Variants in COQ5 observed in about 807,000 individuals in gnomAD.
COQ5 encodes the protein coenzyme Q5, methyltransferase.
Under a neutral mutation model 40.5 loss-of-function variants are expected in COQ5, and 27 were observed. The ratio of observed to expected loss-of-function variants is 0.67; its 90% CI spans 0.49 to 0.92. COQ5 has a LOEUF of 0.92. Ranked by LOEUF, COQ5 falls within the 40% of genes least tolerant of loss-of-function variation. The pLI is 0.00. For synonymous variants in COQ5, 141 were observed against 150.0 expected (o/e 0.94, Z 0.44); for missense variants, 409 against 406.4 (o/e 1.01, Z -0.06).
chr12:120,525,390 C>A (rs1436475912), intron 1 of COQ5, among the ~76,000 whole-genome samples: 1 of 152,256 alleles, frequency 6.6e-6, no homozygotes, highest in East Asian at 1.9e-4. Flanking sequence ...AGCCACCACG[C>A]CCAGCCTGCT....
chr12:120,517,692 A>C (rs978313736), intron 2 of COQ5, among the ~76,000 whole-genome samples: 1 of 151,866 alleles, frequency 6.6e-6, no homozygotes, highest in Non-Finnish European at 1.5e-5. Context: ...AAAAAAAAAA[A>C]CCAAATCAAG....
At chr12:120,508,162 A>C (rs1868965831) in intron 4 of COQ5, among the ~76,000 whole-genome samples, 1 of 151,858 alleles carries the variant, frequency 6.6e-6, no homozygotes, top group Non-Finnish European at 1.5e-5. Context: ...CGCCCAGCTA[A>C]TTTTTGTATT....
rs763690638 is a variant in COQ5, at chr12:120,528,986, C to A, written c.156G>T (p.Thr52=). ...CCGACACAGTCTCAAACCCAAAGTG[C>A]GTTTCCGCTGCCCGCTTCTCTTGGG... ...LLSQEKRAAE[T]HFGFETVSEE... The change falls in exon 1 of 7, where the codon ACG becomes ACT. Residue 52 remains threonine, a synonymous_variant. Coordinates refer to ENST00000288532, the MANE Select transcript of COQ5 (RefSeq NM_032314.4). The A allele has an allele frequency of 1.2e-6, 2 of 1,614,130 alleles. No homozygotes were observed. The highest frequency in any genetic ancestry group is 1.7e-6 in the Non-Finnish European group (2 of 1,180,014).
rs1869700118 is a variant in COQ5, at chr12:120,522,267, C to T, written c.299G>A (p.Trp100Ter). The T allele has an allele frequency of 6.2e-7, 1 of 1,614,088 alleles. No individual in the cohort carries two copies. The part of the protein sequence containing the change: ...IHRVWKDLLL[W>*]KMHPLPGTQL... ...GGTCCCAGGAAGCGGGTGCATCTTC[C>T]AGAGCAGCAAATCCTTCCAAACACG... Residue 100 changes from tryptophan (W) to a stop codon, truncating the protein, a stop_gained, in exon 2 of 7, where the codon TGG (tryptophan) becomes TAG (stop). Transcript: ENST00000288532. LOFTEE classifies it high-confidence loss of function.
Position 120,529,037 on chromosome 12 carries a change from C to T in COQ5, c.105G>A (p.Gly35=). ...ACAAGAGCCGAGCACTTAGTAGGTC[C>T]CCGGGCCAAGAGCTACGAAGCCCGA... ...QLLGLRSSWP[G]DLLSARLLSQ... Residue 35 remains glycine (G), a synonymous_variant, in exon 1 of 7, where the codon GGG becomes GGA. Transcript: ENST00000288532. The T allele has an allele frequency of 1.2e-6, 2 of 1,614,118 alleles. No homozygotes were observed. Among genetic ancestry groups the T allele is most frequent in the Non-Finnish European group, 1.7e-6 (2 of 1,180,030 alleles).
intron 1 of COQ5, chr12:120,522,751 CT>C: frequency 1.5e-6 from 1 of 657,158 alleles, no homozygotes; most frequent in Non-Finnish European, 2.7e-6. Context: ...TGGCCTTGGC[CT>C]TTGACCGACA....
At chr12:120,508,794 G>A (rs920640474) in intron 4 of COQ5, among the ~76,000 whole-genome samples, 9 of 152,038 alleles carry the variant, frequency 5.9e-5, no homozygotes, top group Non-Finnish European at 8.8e-5. Context: ...GGGAGGCCAA[G>A]GCGGGAGGAT....
In COQ5 at chr12:120,522,233, A is replaced by C. The variant is rs1177906759; in HGVS notation, c.333T>G (p.Leu111=). The change falls in exon 2 of 7, where the codon CTT becomes CTG. Residue 111 remains leucine (L), a synonymous_variant. Coordinates refer to ENST00000288532, the MANE Select transcript of COQ5 (RefSeq NM_032314.4). Reference sequence around the variant, plus strand: ...CATTACCTGTGCCTCCAGCAACATCAAGCAGCTGGGTCCCAGGAAGCGGGT... The same window carrying C: ...CATTACCTGTGCCTCCAGCAACATCCAGCAGCTGGGTCCCAGGAAGCGGGT... The part of the protein sequence containing the change: ...KMHPLPGTQL[L]DVAGGTGDIA... 3.1e-6 allele frequency: 5 copies of C among 1,614,124 alleles called. No individual in the cohort carries two copies. The highest frequency in any genetic ancestry group is 1.7e-5 in the Admixed American group (1 of 60,010).
chr12:120,524,807 T>G lies in COQ5; in HGVS notation c.203-2444A>C, dbSNP rs1176824634. Among the ~76,000 whole-genome samples, 3 of 151,456 alleles carry G rather than the reference T, an allele frequency of 2.0e-5. No homozygotes were observed. In the East Asian group the frequency reaches 5.8e-4, roughly 29 times the overall value. On this transcript the variant is annotated intron_variant, in intron 1 of 6. Coordinates refer to ENST00000288532, the MANE Select transcript of COQ5 (RefSeq NM_032314.4). ...TCAACCTTCGGATTTCCAAGTGCGCTCTTTCCTTTTTTTTTTTTAAATTTT... is the reference window on the plus strand; with the variant it reads ...TCAACCTTCGGATTTCCAAGTGCGCGCTTTCCTTTTTTTTTTTTAAATTTT...
chr12:120,513,374 T>C (rs1485861483), intron 3 of COQ5, among the ~76,000 whole-genome samples: 3 of 150,770 alleles, frequency 2.0e-5, no homozygotes, highest in Non-Finnish European at 4.4e-5. Context: ...TGGCGGCATG[T>C]GCCTGTAGTC....
chr12:120,523,021 T>C, intron 1 of COQ5: 1 of 511,492 alleles, frequency 2.0e-6, no homozygotes. Context: ...TCCACTCCCT[T>C]AAGAGATTCT....
chr12:120,506,606 A>G (rs986167873), intron 4 of COQ5, among the ~76,000 whole-genome samples: 1 of 151,908 alleles, frequency 6.6e-6, no homozygotes, highest in Non-Finnish European at 1.5e-5. Context: ...ACTTCAGGTG[A>G]TCCTTCCACC....
Position 120,504,036 on chromosome 12 carries a change from C to G in COQ5, c.816G>C (p.Glu272Asp). The G allele has an allele frequency of 6.2e-7, 1 of 1,613,690 alleles. No individual in the cohort carries two copies. The highest frequency in any genetic ancestry group is 8.5e-7 in the Non-Finnish European group (1 of 1,179,600). Residue 272 changes from glutamate to aspartate, a missense_variant, in exon 6 of 7, where the codon GAG becomes GAC. By Grantham distance (45) the Glu-to-Asp change is conservative. Transcript: ENST00000288532. Reference protein sequence around the residue: ...YSFQVIPVLGEVIAGDWKSYQ... With the variant: ...YSFQVIPVLGDVIAGDWKSYQ... ...AGGACTTCCAGTCTCCAGCGATGAC[C>G]TCTCCCAGGACAGGGATGACCTGGA...
At chr12:120,504,701 A>C (rs1235843995) in intron 5 of COQ5, 194 bp downstream of exon 5, 4 of 601,734 alleles carry the variant, frequency 6.6e-6, no homozygotes, top group Non-Finnish European at 1.2e-5. Flanking sequence ...TCAATTTCTT[A>C]ATATACATAT....
chr12:120,522,375 G>C lies in COQ5; in HGVS notation c.203-12C>G, dbSNP rs748329161. ...AAACACCTGATAGACTGACATGGGA[G>C]AAACACACACAATAGTGCTATTAAC... On this transcript the variant is annotated splice_polypyrimidine_tract_variant and intron_variant, in intron 1 of 6. Coordinates refer to ENST00000288532, the MANE Select transcript of COQ5 (RefSeq NM_032314.4). The C allele has an allele frequency of 6.2e-7, 1 of 1,612,326 alleles. No individual in the cohort carries two copies. The highest frequency in any genetic ancestry group is 1.7e-5 in the Admixed American group (1 of 60,000).
At chr12:120,512,780 A>G (rs535318481) in intron 3 of COQ5, among the ~76,000 whole-genome samples, 10 of 152,120 alleles carry the variant, frequency 6.6e-5, no homozygotes, top group African/African-American at 2.2e-4. Flanking sequence ...TTTCCAGGCC[A>G]GGTGCGATAG....
At chr12:120,520,659 C>T (rs1308981366) in intron 2 of COQ5, among the ~76,000 whole-genome samples, 3 of 151,932 alleles carry the variant, frequency 2.0e-5, no homozygotes, top group Admixed American at 6.6e-5. Context: ...TTAGTAGAGA[C>T]GGGGTTTCAC....
chr12:120,511,113 C>T (rs371886256), intron 3 of COQ5, among the ~76,000 whole-genome samples: 6 of 151,902 alleles, frequency 3.9e-5, no homozygotes, highest in South Asian at 2.1e-4. Flanking sequence ...AAAAATTAGC[C>T]GGGCGTGGTG....
chr12:120,514,819 G>C (rs7979366), intron 3 of COQ5, among the ~76,000 whole-genome samples: 9,214 of 152,010 alleles, frequency 0.061, 897 homozygotes, highest in African/African-American at 0.21. Context: ...CCAGGACGGA[G>C]TTTCTCTCTT....
Sources: gnomAD v4.1 joint callset for allele counts (sites outside exome capture counted in the v4.1 genomes callset) on GRCh38, gnomAD v4.1.1 for gene constraint, MANE v1.5 for transcripts, NCBI Gene and HGNC (gene_info 2026-07-23, HGNC 2026-07-21) for gene names.